The following OR51B5 variants were observed in gnomAD, a reference collection of about 807,000 sequenced individuals.
The protein encoded by OR51B5 is olfactory receptor 51B5.
For synonymous variants in OR51B5, 186 were observed against 144.8 expected (o/e 1.28, Z -2.04); for missense variants, 456 against 374.6 (o/e 1.22, Z -1.79).
intron 1 of OR51B5, among the ~76,000 whole-genome samples, chr11:5,357,936 G>C (rs79980410): frequency 1.3e-5 from 2 of 151,358 alleles, no homozygotes; most frequent in African/African-American, 4.9e-5. Flanking sequence ...ATGTTCTTTG[G>C]AACCAAAGAG....
chr11:5,471,419 C>T (rs913961013), intron 1 of OR51B5, among the ~76,000 whole-genome samples: 2 of 152,010 alleles, frequency 1.3e-5, no homozygotes, highest in East Asian at 3.9e-4. Context: ...AGGTGGATCA[C>T]GAGGTCAGGA....
At chr11:5,379,848 C>G (rs981788183) in intron 1 of OR51B5, among the ~76,000 whole-genome samples, 11 of 152,242 alleles carry the variant, frequency 7.2e-5, no homozygotes, top group African/African-American at 2.4e-4. Context: ...CTGGCGTCCT[C>G]TCTCATCATG....
intron 1 of OR51B5, among the ~76,000 whole-genome samples, chr11:5,444,958 G>T (rs918971702): frequency 2.0e-5 from 3 of 152,124 alleles, no homozygotes; most frequent in African/African-American, 7.2e-5. Flanking sequence ...GCTCTCCTGA[G>T]ACCTTCACAG....
intron 1 of OR51B5, among the ~76,000 whole-genome samples, chr11:5,359,318 C>A (rs1280698673): frequency 6.8e-6 from 1 of 147,958 alleles, no homozygotes; most frequent in Non-Finnish European, 1.5e-5. Context: ...AATCAATGTG[C>A]AAAAATCACA....
intron 1 of OR51B5, among the ~76,000 whole-genome samples, chr11:5,399,301 TA>T (rs1200550106): frequency 6.6e-6 from 1 of 152,128 alleles, no homozygotes; most frequent in African/African-American, 2.4e-5. Context: ...CAATTATTAA[TA>T]AAAAGTTGGA....
At chr11:5,359,272 A>G (rs1332946276) in intron 1 of OR51B5, among the ~76,000 whole-genome samples, 3 of 148,960 alleles carry the variant, frequency 2.0e-5, no homozygotes, top group East Asian at 3.9e-4. Flanking sequence ...ATGTCCTTAA[A>G]CTGATAGGCA....
intron 1 of OR51B5, among the ~76,000 whole-genome samples, chr11:5,425,247 G>T (rs1427463944): frequency 6.6e-6 from 1 of 152,142 alleles, no homozygotes; most frequent in Non-Finnish European, 1.5e-5. Context: ...TTTTGTCAAT[G>T]TACAGGCTTG....
chr11:5,401,532 T>C (rs1245349741), intron 1 of OR51B5, among the ~76,000 whole-genome samples: 1 of 152,270 alleles, frequency 6.6e-6, no homozygotes, highest in East Asian at 1.9e-4. Flanking sequence ...CCACTGCCAC[T>C]ATCTCAGCCT....
At chr11:5,414,741 T>G (rs1409699097) in intron 1 of OR51B5, among the ~76,000 whole-genome samples, 64 of 152,202 alleles carry the variant, frequency 4.2e-4, no homozygotes, top group Admixed American at 4.2e-3. Flanking sequence ...TAAATATATA[T>G]GCACCCAATA....
chr11:5,441,542 C>A, intron 1 of OR51B5: 1 of 1,543,544 alleles, frequency 6.5e-7, no homozygotes, highest in South Asian at 1.1e-5. Flanking sequence ...AGGGAATGGA[C>A]CCAAGAGGGT....
intron 1 of OR51B5, chr11:5,389,401 G>A (rs748048113): frequency 5.0e-6 from 8 of 1,610,618 alleles, no homozygotes; most frequent in South Asian, 4.4e-5. Context: ...CCCGAGGAAT[G>A]TCAGTCCAAT....
chr11:5,494,898 G>A (rs1851626730), intron 1 of OR51B5, among the ~76,000 whole-genome samples: 1 of 152,164 alleles, frequency 6.6e-6, no homozygotes, highest in African/African-American at 2.4e-5. Context: ...AGGTCTGTCA[G>A]GGCTGACCAA....
intron 1 of OR51B5, among the ~76,000 whole-genome samples, chr11:5,368,797 C>A (rs917472585): frequency 6.6e-6 from 1 of 152,152 alleles, no homozygotes; most frequent in Non-Finnish European, 1.5e-5. Flanking sequence ...TGAAAGCTTA[C>A]GATGGCTTTT....
At chr11:5,461,701 C>G (rs1185124911) in intron 1 of OR51B5, among the ~76,000 whole-genome samples, 1 of 152,192 alleles carries the variant, frequency 6.6e-6, no homozygotes, top group Non-Finnish European at 1.5e-5. Context: ...ATTAAAATGC[C>G]CATGGGGATT....
chr11:5,434,552 C>T (rs577593588), intron 1 of OR51B5, among the ~76,000 whole-genome samples: 7 of 152,130 alleles, frequency 4.6e-5, no homozygotes, highest in Non-Finnish European at 1.0e-4. Context: ...TCCTGAAGAT[C>T]CTGACCTGCC....
intron 1 of OR51B5, among the ~76,000 whole-genome samples, chr11:5,404,807 A>G (rs12282577): frequency 0.16 from 24,565 of 152,160 alleles, 2,463 homozygotes; most frequent in African/African-American, 0.29. Context: ...GAACACCTGC[A>G]GATGCACCAT....
In OR51B5 at chr11:5,374,765, A is replaced by T. The variant is rs1849497851; in HGVS notation, n.85-27855T>A. On this transcript the variant is annotated intron_variant and non_coding_transcript_variant, in intron 1 of 4. Coordinates refer to the OR51B5 transcript ENST00000415970. The stretch of plus-strand genomic sequence containing the variant: ...AAGATGAAATAAATGAAATGAAGCG[A>T]GAAGGGAAGTTTAGAGAAAAAAGAA... Among the ~76,000 whole-genome samples the T allele has an allele frequency of 3.9e-5, 6 of 152,274 alleles. No homozygotes were observed. In the South Asian group the frequency reaches 1.2e-3, roughly 32 times the overall value.
intron 1 of OR51B5, chr11:5,431,189 T>G (rs1850529749): frequency 5.5e-6 from 2 of 364,808 alleles, no homozygotes; most frequent in South Asian, 2.1e-5. Context: ...CGGGGCAGGG[T>G]CAGGATGGCT....
intron 1 of OR51B5, chr11:5,441,550 G>C: frequency 6.7e-7 from 1 of 1,499,646 alleles, no homozygotes. Flanking sequence ...GACCCAAGAG[G>C]GTGTGTTGGG....
Sources: allele counts gnomAD v4.1 joint callset (sites outside exome capture counted in the v4.1 genomes callset), GRCh38; gene constraint gnomAD v4.1.1; transcripts MANE v1.5; gene names NCBI Gene and HGNC (gene_info 2026-07-23, HGNC 2026-07-21).